The following MED24 variants were observed in gnomAD, a reference collection of about 807,000 sequenced individuals.
MED24 encodes mediator of RNA polymerase II transcription subunit 24.
In MED24, 74 loss-of-function variants were observed where a neutral mutation model predicts 118.8. The ratio of observed to expected loss-of-function variants is 0.62; its 90% CI spans 0.52 to 0.76. MED24 has a LOEUF of 0.76. Ranked by LOEUF, MED24 falls within the 30% of genes least tolerant of loss-of-function variation. The pLI is 0.00. For synonymous variants in MED24, 521 were observed against 523.9 expected (o/e 0.99, Z 0.08); for missense variants, 1,041 against 1,278.9 (o/e 0.81, Z 2.84).
At chr17:40,028,016 A>G (rs1054356946) in intron 14 of MED24, 70 bp from the exon 15 acceptor site, 1 of 1,481,970 alleles carries the variant, frequency 6.7e-7, no homozygotes, top group Non-Finnish European at 9.4e-7. Context: ...CTGGGGCTAC[A>G]CATGTTCAGA....
At chr17:40,045,827 G>T (rs1208964465) in intron 3 of MED24, among the ~76,000 whole-genome samples, 2 of 152,284 alleles carry the variant, frequency 1.3e-5, no homozygotes, top group Non-Finnish European at 2.9e-5. Context: ...AACCAGGCTG[G>T]AGTACAGTGG....
chr17:40,022,963 TC>T, intron 20 of MED24, 137 bp from the exon 21 acceptor site: 2 of 1,340,520 alleles, frequency 1.5e-6, no homozygotes, highest in Non-Finnish European at 2.0e-6. Flanking sequence ...TCAGGCTGAA[TC>T]CCAGTCTCTG....
intron 3 of MED24, among the ~76,000 whole-genome samples, chr17:40,044,519 CA>C (rs373689831): frequency 1.9e-4 from 27 of 140,004 alleles, no homozygotes; most frequent in Admixed American, 3.6e-4. Context: ...GACTCCATCT[CA>C]AAAAAAAAAG....
intron 11 of MED24, 45 bp from the exon 12 acceptor site, chr17:40,031,290 A>T: frequency 6.6e-7 from 1 of 1,509,240 alleles, no homozygotes; most frequent in Non-Finnish European, 9.0e-7. Context: ...CCTGGATAGG[A>T]TGGTGAGGGG....
At position 40,022,846 on chromosome 17, in the gene MED24, G is replaced by A; in HGVS notation, c.2251-20C>T. ...CAGCTCCTAGTGCGCAGGAAAGGGG[G>A]CAGTTCAGGAGCCAGGGGCCCGGGA... On this transcript the variant is annotated intron_variant, in intron 20 of 25. Coordinates refer to ENST00000394128, the MANE Select transcript of MED24 (RefSeq NM_014815.4). 1 of 1,610,880 alleles carries A rather than the reference G, an allele frequency of 6.2e-7. No homozygotes were observed. Among genetic ancestry groups the A allele is most frequent in the South Asian group, 1.1e-5 (1 of 90,968 alleles).
chr17:40,037,995 C>A (rs750753810), intron 3 of MED24, among the ~76,000 whole-genome samples: 2 of 151,942 alleles, frequency 1.3e-5, no homozygotes, highest in Non-Finnish European at 2.9e-5. Flanking sequence ...AAACATATAA[C>A]GAGAACTTTA....
At chr17:40,045,457 CAAA>C (rs35418289) in intron 3 of MED24, among the ~76,000 whole-genome samples, 4 of 98,016 alleles carry the variant, frequency 4.1e-5, no homozygotes, top group Non-Finnish European at 4.5e-5. Flanking sequence ...GACTTCATCT[CAAA>C]AAAAAAAAAA....
At chr17:40,040,938 G>T (rs1984498406) in intron 3 of MED24, among the ~76,000 whole-genome samples, 1 of 151,978 alleles carries the variant, frequency 6.6e-6, no homozygotes, top group African/African-American at 2.4e-5. Flanking sequence ...TTTTAGTAGA[G>T]ATAGGGTCTA....
chr17:40,053,184 C>A, intron 3 of MED24, 114 bp downstream of exon 3: 1 of 1,028,632 alleles, frequency 9.7e-7, no homozygotes, highest in South Asian at 1.6e-5. Context: ...ATCCGCCTGC[C>A]TCAGCCTCCC....
In MED24 at chr17:40,033,553, C is replaced by T. The variant is rs930761956; in HGVS notation, c.560-97G>A. Reference sequence around the variant, plus strand: ...CGATTTTGGCACTCCCTCCGGCACACGAAACCACACAGGAAGGCTTCCCCT... The same window carrying T: ...CGATTTTGGCACTCCCTCCGGCACATGAAACCACACAGGAAGGCTTCCCCT... On this transcript the variant is annotated intron_variant, in intron 6 of 25. Coordinates refer to ENST00000394128, the MANE Select transcript of MED24 (RefSeq NM_014815.4). This position sits in a 1 kb window ranked among gnomAD's most constrained non-coding sequence, Gnocchi z 5.2. The T allele has an allele frequency of 7.5e-6, 7 of 938,922 alleles. No homozygotes were observed. The African/African-American group carries it at 8.2e-5, about 11-fold the overall frequency. 58.2% of individuals were successfully genotyped at this position (938,922 alleles called of 1,614,324 possible).
rs1464331338 is a variant in MED24 at position 40,023,081 on chromosome 17, A to T, written c.2250+50T>A. 3.8e-6 allele frequency: 6 copies of T among 1,573,406 alleles called. No homozygotes were observed. The East Asian group carries it at 1.3e-4, about 35-fold the overall frequency. ...CTGGCAGACCAGGCCAGGTGTGGGGAGCCAGGGGACAGGACCCATGTCGGC... is the reference window on the plus strand; with the variant it reads ...CTGGCAGACCAGGCCAGGTGTGGGGTGCCAGGGGACAGGACCCATGTCGGC... On this transcript the variant is annotated intron_variant, in intron 20 of 25. Coordinates refer to ENST00000394128, the MANE Select transcript of MED24 (RefSeq NM_014815.4).
chr17:40,029,113 C>G (rs1002448703), intron 13 of MED24, 145 bp from the exon 14 acceptor site: 1 of 1,097,780 alleles, frequency 9.1e-7, no homozygotes, highest in African/African-American at 1.6e-5. Flanking sequence ...TCCTAAAACC[C>G]ACCCCTGCTC....
intron 3 of MED24, among the ~76,000 whole-genome samples, chr17:40,043,490 A>T (rs1984773994): frequency 6.6e-6 from 1 of 152,100 alleles, no homozygotes; most frequent in African/African-American, 2.4e-5. Flanking sequence ...AACCGCCTGT[A>T]ATTTTTTTTC....
At chr17:40,020,109 T>A in intron 24 of MED24, 164 bp downstream of exon 24, 16 of 727,360 alleles carry the variant, frequency 2.2e-5, no homozygotes, top group Non-Finnish European at 2.9e-5. Flanking sequence ...GAGGGGGAAC[T>A]AGACAGGAGC....
At position 40,019,283 on chromosome 17, in the gene MED24, T is replaced by C; in HGVS notation, c.*246A>G. The C allele has an allele frequency of 1.9e-6, 1 of 532,892 alleles. No homozygotes were observed. 33.0% of individuals were successfully genotyped at this position (532,892 alleles called of 1,614,324 possible). ...GGCGGGCGCACACAGGGGTGACCAC[T>C]GGGCTTGTGGTCCAGGCTGCTCACT... On this transcript the variant is annotated 3_prime_UTR_variant, in exon 26 of 26. Transcript: ENST00000394128.
chr17:40,021,671 C>T (rs896138900), intron 23 of MED24, among the ~76,000 whole-genome samples: 2 of 135,244 alleles, frequency 1.5e-5, no homozygotes, highest in South Asian at 2.4e-4. Context: ...CTTGTCATCC[C>T]CTCAACCCTG....
chr17:40,025,254 G>A (rs1982507719), intron 19 of MED24, among the ~76,000 whole-genome samples: 1 of 152,172 alleles, frequency 6.6e-6, no homozygotes, highest in African/African-American at 2.4e-5. Context: ...ACCACGGTGA[G>A]AGGATCACTC....
chr17:40,031,828 ACACACACTGAAGCACG>A (rs1173823094), intron 10 of MED24, among the ~76,000 whole-genome samples, 199 bp downstream of exon 10: 1 of 152,170 alleles, frequency 6.6e-6, no homozygotes, highest in African/African-American at 2.4e-5. Flanking sequence ...ACGCTGAAAC[ACACACACTGAAGCACG>A]CACACACTGA....
intron 23 of MED24, 117 bp from the exon 24 acceptor site, chr17:40,020,470 C>T: frequency 6.5e-7 from 1 of 1,542,106 alleles, no homozygotes; most frequent in South Asian, 1.2e-5. Context: ...ACATGGAGAG[C>T]CCAGAGAAGA....
Sources: allele counts gnomAD v4.1 joint callset (sites outside exome capture counted in the v4.1 genomes callset), GRCh38; gene constraint gnomAD v4.1.1; non-coding constraint Gnocchi (gnomAD v3.1); transcripts MANE v1.5; gene names NCBI Gene and HGNC (gene_info 2026-07-23, HGNC 2026-07-21).